The following SYNRG variants were observed in gnomAD, a reference collection of about 807,000 sequenced individuals.
SYNRG encodes the protein AP1 gamma subunit binding protein 1.
A neutral mutation model predicts 130.9 loss-of-function variants in SYNRG; 37 were observed. That is an observed-to-expected ratio of 0.28 (90% CI 0.22 to 0.37). The LOEUF is 0.37. Ranked by LOEUF, SYNRG falls within the 10% of genes least tolerant of loss-of-function variation. SYNRG has a pLI of 1.00. For missense variants in SYNRG, 1,338 were observed against 1,588.9 expected, an observed-to-expected ratio of 0.84 and a Z score of 2.68; for synonymous variants, 539 against 568.1, an observed-to-expected ratio of 0.95 and a Z score of 0.73.
At chr17:37,567,465 G>A (rs1448919816) in intron 11 of SYNRG, 1 of 152,202 alleles carries the variant, frequency 6.6e-6, no homozygotes, top group African/African-American at 2.4e-5. Flanking sequence ...TTAGATAGCA[G>A]TAGTACATAT....
chr17:37,525,281 T>G (rs374417076), intron 19 of SYNRG, among the ~76,000 whole-genome samples: 1 of 152,154 alleles, frequency 6.6e-6, no homozygotes, highest in Admixed American at 6.5e-5. Context: ...AAAAAATATA[T>G]ACATATTATA....
At chr17:37,596,441 G>C in intron 2 of SYNRG, 97 bp from the exon 3 acceptor site, 2 of 1,382,174 alleles carry the variant, frequency 1.4e-6, no homozygotes, top group South Asian at 2.7e-5. Context: ...GCAGGAAGCA[G>C]AGTGTAATGG....
At chr17:37,578,988 C>T in intron 6 of SYNRG, 1 of 560,356 alleles carries the variant, frequency 1.8e-6, no homozygotes, top group Non-Finnish European at 2.3e-6. Flanking sequence ...AATCTAGACA[C>T]TTGTTTTGTT....
rs995932536 is a variant in SYNRG, at chr17:37,542,253, G to C, written c.2921C>G (p.Thr974Ser). The change falls in exon 15 of 22, where the codon ACC (threonine) becomes AGC (serine). Residue 974 changes from threonine to serine, a missense_variant. Transcript: ENST00000612223. ...GTTTTCATATTCCTTTTGCTCACTG[G>C]TCTGAGGAATCGTGTCTTTAAAACT... is the stretch of plus-strand genomic sequence containing the variant. The part of the protein sequence containing the change: ...LASFKDTIPQ[T>S]SEQKEYENRD... 2 of 1,614,192 alleles carry C rather than the reference G, an allele frequency of 1.2e-6. No individual in the cohort carries two copies. Among genetic ancestry groups the C allele is most frequent in the Non-Finnish European group, 1.7e-6 (2 of 1,180,044 alleles).
chr17:37,592,475 C>A (rs1399497951), intron 3 of SYNRG, among the ~76,000 whole-genome samples: 1 of 152,154 alleles, frequency 6.6e-6, no homozygotes, highest in African/African-American at 2.4e-5. Flanking sequence ...CATATGTTCA[C>A]GCAAAAACCT....
chr17:37,533,662 A>C (rs1441575083), intron 19 of SYNRG, among the ~76,000 whole-genome samples: 66 of 141,782 alleles, frequency 4.7e-4, no homozygotes, highest in Non-Finnish European at 8.8e-4. Flanking sequence ...ATCTCAGCTC[A>C]CTGCAACCTC....
At chr17:37,520,257 C>A in intron 20 of SYNRG, 43 bp from the exon 21 acceptor site, 1 of 1,613,324 alleles carries the variant, frequency 6.2e-7, no homozygotes, top group Non-Finnish European at 8.5e-7. Context: ...ATTCCCAGAA[C>A]AGGGCCTCTT....
intron 14 of SYNRG, among the ~76,000 whole-genome samples, chr17:37,548,221 G>A (rs2058432059): frequency 1.3e-5 from 2 of 152,098 alleles, no homozygotes; most frequent in East Asian, 1.9e-4. Context: ...TAAATAGCAC[G>A]GGAAAATCCA....
At chr17:37,522,331 T>TAAAA (rs2055199874) in intron 19 of SYNRG, among the ~76,000 whole-genome samples, 1 of 151,024 alleles carries the variant, frequency 6.6e-6, no homozygotes, top group African/African-American at 2.4e-5. Context: ...CCCAGCTAAT[T>TAAAA]TTTTGATTTT....
At chr17:37,590,206 CT>C (rs147107283) in intron 3 of SYNRG, among the ~76,000 whole-genome samples, 9,639 of 150,364 alleles carry the variant, frequency 0.064, 998 homozygotes, top group African/African-American at 0.22. Context: ...AGAAACTTAA[CT>C]TTTTTTAAAT....
chr17:37,550,090 C>G (rs1195373400), intron 14 of SYNRG, among the ~76,000 whole-genome samples: 4 of 152,140 alleles, frequency 2.6e-5, no homozygotes, highest in South Asian at 2.1e-4. Flanking sequence ...TTAACTCTTT[C>G]CACAACACTC....
At chr17:37,560,958 C>G (rs2059482785) in intron 13 of SYNRG, among the ~76,000 whole-genome samples, 1 of 152,200 alleles carries the variant, frequency 6.6e-6, no homozygotes, top group Non-Finnish European at 1.5e-5. Context: ...AGCCACTGCA[C>G]CCAGCCTAAA....
Position 37,595,908 on chromosome 17 carries a change from C to T in SYNRG, c.240+315G>A, listed in dbSNP as rs565511983. Among the ~76,000 whole-genome samples the T allele has an allele frequency of 9.9e-5, 15 of 152,210 alleles. No homozygotes were observed. The South Asian group carries it at 3.1e-3, about 32-fold the overall frequency. ...TAGCTGGGACTACAGGCACATGCCA[C>T]CACGCCCAGGTAATTTTTGTATTTT... On this transcript the variant is annotated intron_variant, in intron 3 of 21. Transcript: ENST00000612223.
At chr17:37,545,120 G>A (rs1464357650) in intron 14 of SYNRG, among the ~76,000 whole-genome samples, 3 of 151,986 alleles carry the variant, frequency 2.0e-5, no homozygotes, top group Non-Finnish European at 4.4e-5. Context: ...TCAGGAGGCT[G>A]AGGTAGGAGA....
At position 37,518,538 on chromosome 17, in the gene SYNRG, G is replaced by A. The variant is rs747315616; in HGVS notation, c.*402C>T. The A allele has an allele frequency of 5.6e-6, 1 of 180,064 alleles. No individual in the cohort carries two copies. Among genetic ancestry groups the A allele is most frequent in the Non-Finnish European group, 1.2e-5 (1 of 85,502 alleles). 11.2% of individuals were successfully genotyped at this position (180,064 alleles called of 1,614,324 possible). ...CAGATAAATGTATTCTACTTCACAG[G>A]ACAGTAAGTGTCCTAGATAAAAACA... On this transcript the variant is annotated 3_prime_UTR_variant, in exon 22 of 22. Coordinates refer to ENST00000612223, the MANE Select transcript of SYNRG (RefSeq NM_007247.6).
chr17:37,569,207 C>T (rs547790839), intron 10 of SYNRG, among the ~76,000 whole-genome samples: 1 of 152,338 alleles, frequency 6.6e-6, no homozygotes, highest in African/African-American at 2.4e-5. Flanking sequence ...GTCAGAAGTT[C>T]GAGACCAGTC....
chr17:37,585,624 A>G (rs1365194978), intron 4 of SYNRG, among the ~76,000 whole-genome samples, 194 bp from the exon 5 acceptor site: 2 of 152,222 alleles, frequency 1.3e-5, no homozygotes, highest in Non-Finnish European at 2.9e-5. Flanking sequence ...CATGAGTCTA[A>G]AGAATGATTT....
At chr17:37,525,823 A>G (rs12949458) in intron 19 of SYNRG, among the ~76,000 whole-genome samples, 39,346 of 152,114 alleles carry the variant, frequency 0.26, 5,235 homozygotes, top group Admixed American at 0.35. Flanking sequence ...AAAATTAGCC[A>G]GGTGTGGTGG....
chr17:37,564,901 G>A (rs1162333645), intron 11 of SYNRG, among the ~76,000 whole-genome samples: 1 of 152,212 alleles, frequency 6.6e-6, no homozygotes, highest in African/African-American at 2.4e-5. Flanking sequence ...CTGGCATATA[G>A]CAAATGCTAA....
Sources: gnomAD v4.1 joint callset for allele counts (sites outside exome capture counted in the v4.1 genomes callset) on GRCh38, gnomAD v4.1.1 for gene constraint, MANE v1.5 for transcripts, NCBI Gene and HGNC (gene_info 2026-07-23, HGNC 2026-07-21) for gene names.